Variants in LIPI observed in about 807,000 individuals in gnomAD.
The protein encoded by LIPI is lipase I.
Under a neutral mutation model 50.6 loss-of-function variants are expected in LIPI, and 59 were observed. That is an observed-to-expected ratio of 1.16 (90% CI 0.94 to 1.45). The LOEUF (loss-of-function observed/expected upper bound fraction) is 1.45, where lower values mean the gene tolerates loss of function less well. Ranked by LOEUF, LIPI falls within the 40% of genes most tolerant of loss-of-function variation. The pLI is 0.00. For missense variants in LIPI, 586 were observed against 536.3 expected (o/e 1.09, Z -0.92); for synonymous variants, 203 against 178.2 (o/e 1.14, Z -1.11).
intron 1 of LIPI, among the ~76,000 whole-genome samples, chr21:14,199,010 T>C (rs948705902): frequency 2.6e-5 from 4 of 151,848 alleles, no homozygotes; most frequent in Non-Finnish European, 5.9e-5. Flanking sequence ...AAGTGAATAC[T>C]GGGTAAAATT....
chr21:14,181,636 T>C, intron 4 of LIPI, 122 bp downstream of exon 4: 1 of 660,166 alleles, frequency 1.5e-6, no homozygotes, highest in Non-Finnish European at 2.8e-6. Flanking sequence ...TATCATTCTA[T>C]AATTACAGAT....
At chr21:14,120,795 A>G (rs1027637353) in intron 9 of LIPI, among the ~76,000 whole-genome samples, 1 of 151,166 alleles carries the variant, frequency 6.6e-6, no homozygotes, top group African/African-American at 2.4e-5. Flanking sequence ...TTGCCCCCCA[A>G]TTTATAATGC....
chr21:14,177,761 A>T (rs2019145641), intron 4 of LIPI, among the ~76,000 whole-genome samples: 1 of 152,032 alleles, frequency 6.6e-6, no homozygotes, highest in Admixed American at 6.6e-5. Context: ...TCCATAAAAC[A>T]TTATTAATAG....
At chr21:14,154,251 A>G (rs2018198859) in intron 7 of LIPI, among the ~76,000 whole-genome samples, 1 of 152,128 alleles carries the variant, frequency 6.6e-6, no homozygotes, top group South Asian at 2.1e-4. Context: ...ATAAATGAAA[A>G]AAAGTGTATC....
intron 1 of LIPI, among the ~76,000 whole-genome samples, chr21:14,208,021 A>C (rs951453826): frequency 1.3e-5 from 2 of 152,204 alleles, no homozygotes; most frequent in Admixed American, 1.3e-4. Context: ...TCCTTGTTTA[A>C]AGAGATTTTG....
intron 7 of LIPI, among the ~76,000 whole-genome samples, chr21:14,162,379 T>C (rs1325963480): frequency 6.6e-6 from 1 of 151,698 alleles, no homozygotes; most frequent in Non-Finnish European, 1.5e-5. Flanking sequence ...TTCAGCAGCT[T>C]CATTGTGGTG....
chr21:14,209,836 C>G (rs1442622830), intron 1 of LIPI, among the ~76,000 whole-genome samples: 1 of 151,912 alleles, frequency 6.6e-6, no homozygotes, highest in Non-Finnish European at 1.5e-5. Flanking sequence ...TGGCTTTCAA[C>G]TGAAGGTGCC....
chr21:14,205,680 A>G (rs1344736936), intron 1 of LIPI, among the ~76,000 whole-genome samples: 2 of 152,004 alleles, frequency 1.3e-5, no homozygotes, highest in African/African-American at 4.8e-5. Flanking sequence ...GTATTTTAAT[A>G]TTTTTAGTTT....
At chr21:14,207,383 A>G (rs1055153495) in intron 1 of LIPI, among the ~76,000 whole-genome samples, 1 of 152,196 alleles carries the variant, frequency 6.6e-6, no homozygotes, top group African/African-American at 2.4e-5. Flanking sequence ...ACTATGCATT[A>G]TATCTATCAA....
chr21:14,119,550 A>G (rs2187063), intron 9 of LIPI, among the ~76,000 whole-genome samples: 103,485 of 151,916 alleles, frequency 0.68, 35,470 homozygotes, highest in East Asian at 0.94. Context: ...CCAACTACTC[A>G]CTCCTAGCAA....
chr21:14,199,819 A>G (rs1048392654), intron 1 of LIPI, among the ~76,000 whole-genome samples: 10 of 152,074 alleles, frequency 6.6e-5, no homozygotes, highest in Non-Finnish European at 1.5e-4. Flanking sequence ...CTTCAGGCCA[A>G]TATCATTGAT....
intron 4 of LIPI, among the ~76,000 whole-genome samples, chr21:14,170,138 C>T (rs2018839559): frequency 6.6e-6 from 1 of 152,178 alleles, no homozygotes; most frequent in African/African-American, 2.4e-5. Flanking sequence ...TTCCTCAACA[C>T]ATACACCCTC....
Position 14,169,213 on chromosome 21 carries a change from C to A in LIPI, c.644-2762G>T, listed in dbSNP as rs193174187. 4.3e-4 allele frequency among the ~76,000 whole-genome samples: 66 copies of A among 152,234 alleles called. 1 individual carries two copies. Among genetic ancestry groups the A allele is most frequent in the Middle Eastern group, 3.4e-3 (1 of 292 alleles). ...TACAGGAGCATCCAGATTCATAAAG[C>A]AAGTCCTGAGTGACCTACAAAGAGA... On this transcript the variant is annotated intron_variant, in intron 4 of 9. Coordinates refer to ENST00000681601, the MANE Select transcript of LIPI (RefSeq NM_001302998.2).
intron 2 of LIPI, among the ~76,000 whole-genome samples, chr21:14,188,377 G>C (rs1370095660): frequency 6.6e-6 from 1 of 151,950 alleles, no homozygotes; most frequent in African/African-American, 2.4e-5. Context: ...AGACCAGCCT[G>C]GCCAACATGG....
At chr21:14,136,588 C>T (rs1438052051) in intron 9 of LIPI, among the ~76,000 whole-genome samples, 1 of 152,154 alleles carries the variant, frequency 6.6e-6, no homozygotes, top group Non-Finnish European at 1.5e-5. Context: ...GTTTTTGACT[C>T]TAGTCGCTGA....
chr21:14,159,252 A>G (rs780246340), intron 7 of LIPI, among the ~76,000 whole-genome samples: 6 of 151,482 alleles, frequency 4.0e-5, no homozygotes, highest in Non-Finnish European at 1.5e-5. Flanking sequence ...AAAAATTCTC[A>G]ACAAAATATT....
intron 8 of LIPI, among the ~76,000 whole-genome samples, chr21:14,148,474 G>A (rs2017980210): frequency 6.6e-6 from 1 of 152,126 alleles, no homozygotes; most frequent in Admixed American, 6.5e-5. Context: ...ATATATGACA[G>A]TGGTCCCATA....
chr21:14,158,591 TTATATA>T, intron 7 of LIPI, among the ~76,000 whole-genome samples: 1 of 147,906 alleles, frequency 6.8e-6, no homozygotes, highest in South Asian at 2.1e-4. Flanking sequence ...AATATATATT[TTATATA>T]TATATTAAAA....
rs148005597 is a variant in LIPI, at chr21:14,166,443, T to C, written c.652A>G (p.Ile218Val). The change falls in exon 5 of 10, where the codon ATT (isoleucine) becomes GTT (valine). Residue 218 changes from isoleucine (I) to valine (V), a missense_variant. Physicochemically the swap from Ile to Val is conservative, Grantham distance 29. Coordinates refer to ENST00000681601, the MANE Select transcript of LIPI (RefSeq NM_001302998.2). ...TCTATATGTCCCAAGGGCTCTTGAA[T>C]GCCTAAACCTGAGAAGAAAGGCACC... Reference protein sequence around the residue: ...VIHSDSNGLGIQEPLGHIDFY... With the variant: ...VIHSDSNGLGVQEPLGHIDFY... 1 of 1,595,698 alleles carries C rather than the reference T, an allele frequency of 6.3e-7. No individual in the cohort carries two copies. Among genetic ancestry groups the C allele is most frequent in the Non-Finnish European group, 8.6e-7 (1 of 1,163,360 alleles).
Sources: allele counts gnomAD v4.1 joint callset (sites outside exome capture counted in the v4.1 genomes callset), GRCh38; gene constraint gnomAD v4.1.1; transcripts MANE v1.5; gene names NCBI Gene and HGNC (gene_info 2026-07-23, HGNC 2026-07-21).